The following TRIP12 variants were observed in gnomAD, a reference collection of about 807,000 sequenced individuals.
TRIP12 encodes the protein E3 ubiquitin-protein ligase TRIP12.
A neutral mutation model predicts 244.2 loss-of-function variants in TRIP12; 25 were observed. The ratio of observed to expected loss-of-function variants is 0.10; its 90% CI spans 0.07 to 0.14. The LOEUF (loss-of-function observed/expected upper bound fraction) is 0.14. Among genes scored for constraint, TRIP12 ranks in the 10% least tolerant of loss-of-function variants. TRIP12 has a pLI of 1.00. For synonymous variants in TRIP12, 905 were observed against 873.1 expected (o/e 1.04, Z -0.64); for missense variants, 1,677 against 2,486.4 (o/e 0.67, Z 6.92).
intron 1 of TRIP12, among the ~76,000 whole-genome samples, chr2:229,916,585 GACT>G (rs2075430945): frequency 6.6e-6 from 1 of 152,160 alleles, no homozygotes; most frequent in Admixed American, 6.5e-5. Context: ...CCATGAAACT[GACT>G]ACTGCCAATA....
At chr2:229,893,293 G>A (rs2067853402) in intron 1 of TRIP12, among the ~76,000 whole-genome samples, 1 of 152,092 alleles carries the variant, frequency 6.6e-6, no homozygotes, top group Admixed American at 6.5e-5. Context: ...TCCAAATTTT[G>A]CTTCATGTTT....
chr2:229,840,171 T>G (rs1371243584), intron 5 of TRIP12, among the ~76,000 whole-genome samples: 2 of 152,180 alleles, frequency 1.3e-5, no homozygotes, highest in Non-Finnish European at 2.9e-5. Context: ...AGATGCTCAT[T>G]AGAAGTATAT....
intron 1 of TRIP12, among the ~76,000 whole-genome samples, chr2:229,882,169 T>C (rs184759224): frequency 2.0e-5 from 3 of 152,206 alleles, no homozygotes; most frequent in African/African-American, 4.8e-5. Flanking sequence ...GATAAATCCA[T>C]GTAAACTACT....
intron 1 of TRIP12, among the ~76,000 whole-genome samples, chr2:229,919,289 G>A (rs573827717): frequency 3.3e-5 from 5 of 152,078 alleles, no homozygotes; most frequent in Non-Finnish European, 4.4e-5. Flanking sequence ...GGTGGCGCGT[G>A]CCTGTAATCT....
At position 229,767,563 on chromosome 2, in the gene TRIP12, A is replaced by G. The variant is rs1301692119; in HGVS notation, c.6195T>C (p.His2065=). The G allele has an allele frequency of 1.2e-6, 2 of 1,609,084 alleles. No individual in the cohort carries two copies. The highest frequency in any genetic ancestry group is 2.2e-5 in the South Asian group (2 of 89,816). Reference sequence around the variant, plus strand: ...GCATTTCTTGCTATGATCAGGAAAGATGGAACGACTGCTGCCCTTCTCTTG... The same window carrying G: ...GCATTTCTTGCTATGATCAGGAAAGGTGGAACGACTGCTGCCCTTCTCTTG... ...IAAREGQQSF[H]LS The change falls in exon 42 of 42, where the codon CAT becomes CAC. Residue 2065 remains histidine, a synonymous_variant. Coordinates refer to ENST00000675903, the MANE Select transcript of TRIP12 (RefSeq NM_001348323.3).
chr2:229,829,291 A>G lies in TRIP12; in HGVS notation c.1355-3T>C, dbSNP rs1483267064. 5.0e-6 allele frequency: 8 copies of G among 1,609,242 alleles called. No homozygotes were observed. In the East Asian group the frequency reaches 1.6e-4, roughly 32 times the overall value. On this transcript the variant is annotated splice_polypyrimidine_tract_variant and splice_region_variant and intron_variant, in intron 7 of 41. Transcript: ENST00000675903. ...AAGACCCCTTGCCTCTAACAAAGCTAAAGAAAAAAGAAGGGCAGAGTGAAC... is the reference window on the plus strand; with the variant it reads ...AAGACCCCTTGCCTCTAACAAAGCTGAAGAAAAAAGAAGGGCAGAGTGAAC...
chr2:229,877,237 T>C (rs905775196), intron 2 of TRIP12, among the ~76,000 whole-genome samples: 7 of 151,950 alleles, frequency 4.6e-5, no homozygotes, highest in African/African-American at 1.2e-4. Context: ...AAAAACATAA[T>C]ACAATTTACA....
Position 229,816,326 on chromosome 2 carries a change from A to T in TRIP12, c.1600-1018T>A, listed in dbSNP as rs954942006. Among the ~76,000 whole-genome samples the T allele has an allele frequency of 1.1e-4, 7 of 64,664 alleles. No individual in the cohort carries two copies. The East Asian group carries it at 1.6e-3, about 15-fold the overall frequency. The allele number at this position is 64,664 out of a possible 152,430, so 42.4% of individuals were successfully genotyped here. On this transcript the variant is annotated intron_variant, in intron 9 of 41. Transcript: ENST00000675903. ...ATACACACACTCCATTTCAGGACTT[A>T]AAAAAAAAAAAAAAACTATCAAATC...
Position 229,829,306 on chromosome 2 carries a change from G to A in TRIP12, c.1355-18C>T, listed in dbSNP as rs1191682772. ...TAACAAAGCTAAAGAAAAAAGAAGG[G>A]CAGAGTGAACAACTAAGATGACTTC... On this transcript the variant is annotated intron_variant, in intron 7 of 41. Coordinates refer to ENST00000675903, the MANE Select transcript of TRIP12 (RefSeq NM_001348323.3). 1 of 1,600,752 alleles carries A rather than the reference G, an allele frequency of 6.2e-7. No homozygotes were observed. The highest frequency in any genetic ancestry group is 1.3e-5 in the African/African-American group (1 of 74,394).
At chr2:229,856,203 T>C (rs369500448) in intron 4 of TRIP12, among the ~76,000 whole-genome samples, 6 of 152,220 alleles carry the variant, frequency 3.9e-5, no homozygotes, top group Admixed American at 2.0e-4. Context: ...ACTGGGATAG[T>C]GGCAGTGAAA....
At chr2:229,800,861 C>G (rs951059699) in intron 21 of TRIP12, among the ~76,000 whole-genome samples, 1 of 151,752 alleles carries the variant, frequency 6.6e-6, no homozygotes, top group South Asian at 2.1e-4. Flanking sequence ...CCCGGGAGTT[C>G]GAGGTTAGCC....
chr2:229,896,299 T>A (rs1576829804), intron 1 of TRIP12, among the ~76,000 whole-genome samples: 1 of 152,242 alleles, frequency 6.6e-6, no homozygotes, highest in East Asian at 1.9e-4. Flanking sequence ...ACTGTTTTAC[T>A]TTGTAAAACA....
Position 229,899,621 on chromosome 2 carries a change from A to G in TRIP12, c.-49-19493T>C, listed in dbSNP as rs1165328212. Among the ~76,000 whole-genome samples the G allele has an allele frequency of 3.9e-5, 6 of 152,324 alleles. No homozygotes were observed. In the East Asian group the frequency reaches 1.2e-3, roughly 29 times the overall value. The stretch of plus-strand genomic sequence containing the variant: ...ACAAGTAACTGGAGTAAAAGGCGAC[A>G]AACTACTACTCTAAGTACTATTAGA... On this transcript the variant is annotated intron_variant, in intron 1 of 41. Transcript: ENST00000675903.
rs761760082 is a variant in TRIP12 at position 229,859,200 on chromosome 2, T to G, written c.599A>C (p.Lys200Thr). Residue 200 changes from lysine (K) to threonine (T), a missense_variant, in exon 4 of 42, where the codon AAG becomes ACG. By Grantham distance (78) the Lys-to-Thr change is moderately conservative. Coordinates refer to ENST00000675903, the MANE Select transcript of TRIP12 (RefSeq NM_001348323.3). Reference sequence around the variant, plus strand: ...AGTTGATTCAGACCCGGAGCCACTCTTTACACAAGAACTCTCTGTCCTTTT... The same window carrying G: ...AGTTGATTCAGACCCGGAGCCACTCGTTACACAAGAACTCTCTGTCCTTTT... Reference protein sequence around the residue: ...KRKRTESSCVKSGSGSESTGA... With the variant: ...KRKRTESSCVTSGSGSESTGA... 2.5e-6 allele frequency: 4 copies of G among 1,614,194 alleles called. No homozygotes were observed. The East Asian group carries it at 8.9e-5, about 36-fold the overall frequency.
chr2:229,891,719 G>T (rs2067409259), intron 1 of TRIP12, among the ~76,000 whole-genome samples: 1 of 152,156 alleles, frequency 6.6e-6, no homozygotes, highest in Admixed American at 6.5e-5. Flanking sequence ...TATTGTTTTG[G>T]TATCATTACG....
At chr2:229,800,759 T>C (rs895877096) in intron 21 of TRIP12, among the ~76,000 whole-genome samples, 6 of 152,258 alleles carry the variant, frequency 3.9e-5, no homozygotes, top group Admixed American at 3.9e-4. Flanking sequence ...TAAATTAAAA[T>C]GGCTCAGAAA....
chr2:229,836,927 T>A lies in TRIP12; in HGVS notation c.1191A>T (p.Lys397Asn). ...CCTGGTTGCTTTCAGGGTCTGCCAT[T>A]TTCTCCTGTCGACGAGCTTCAGCTG... ...RGAAEARRQE[K>N]MADPESNQEA... The change falls in exon 6 of 42, where the codon AAA becomes AAT. Residue 397 changes from lysine to asparagine, a missense_variant. Lys to Asn is a moderately conservative substitution (Grantham distance 94, BLOSUM62 0). Transcript: ENST00000675903. 1 of 1,601,414 alleles carries A rather than the reference T, an allele frequency of 6.2e-7. No individual in the cohort carries two copies. The highest frequency in any genetic ancestry group is 1.7e-4 in the Middle Eastern group (1 of 6,036).
chr2:229,814,979 A>G, intron 11 of TRIP12, 120 bp downstream of exon 11: 1 of 750,880 alleles, frequency 1.3e-6, no homozygotes, highest in Non-Finnish European at 2.2e-6. Context: ...TCTGCTGGAC[A>G]TAAAACATTT....
chr2:229,876,307 G>C (rs1257856239), intron 2 of TRIP12, among the ~76,000 whole-genome samples: 3 of 151,966 alleles, frequency 2.0e-5, no homozygotes, highest in African/African-American at 7.3e-5. Context: ...TATCAACCTG[G>C]GGGCTGATAA....
Sources: gnomAD v4.1 joint callset for allele counts (sites outside exome capture counted in the v4.1 genomes callset) on GRCh38, gnomAD v4.1.1 for gene constraint, MANE v1.5 for transcripts, NCBI Gene and HGNC (gene_info 2026-07-23, HGNC 2026-07-21) for gene names.